Variants in GTF2IRD1 observed in about 807,000 individuals in gnomAD.
GTF2IRD1 encodes general transcription factor II-I repeat domain-containing protein 1.
In GTF2IRD1, 26 loss-of-function variants were observed where a neutral mutation model predicts 113.2. The ratio of observed to expected loss-of-function variants is 0.23; its 90% CI spans 0.17 to 0.32. GTF2IRD1 has a LOEUF of 0.32. GTF2IRD1 is among the 10% of genes least tolerant of loss of function. GTF2IRD1 has a pLI of 1.00. For synonymous variants in GTF2IRD1, 484 were observed against 529.1 expected (o/e 0.91, Z 1.17); for missense variants, 864 against 1,280.8 (o/e 0.67, Z 4.97).
At chr7:74,578,290 T>G (rs2130919559) in intron 22 of GTF2IRD1, among the ~76,000 whole-genome samples, 1 of 152,188 alleles carries the variant, frequency 6.6e-6, no homozygotes, top group East Asian at 1.9e-4. Flanking sequence ...CAAGTGATTC[T>G]CCTGCCTCAC....
chr7:74,574,009 G>C (rs1484317050), intron 22 of GTF2IRD1, among the ~76,000 whole-genome samples: 1 of 152,172 alleles, frequency 6.6e-6, no homozygotes, highest in Non-Finnish European at 1.5e-5. Context: ...TTGAGACAGA[G>C]TTGCGCTCTT....
At chr7:74,562,555 CTTTTTTTTT>C (rs1167468655) in intron 22 of GTF2IRD1, among the ~76,000 whole-genome samples, 12,510 of 62,574 alleles carry the variant, frequency 0.2, 845 homozygotes, top group Middle Eastern at 0.36. Context: ...CAATTGCCCT[CTTTTTTTTT>C]TTTTTTTTTT....
intron 1 of GTF2IRD1, among the ~76,000 whole-genome samples, chr7:74,479,746 A>G (rs969276338): frequency 1.4e-5 from 2 of 148,140 alleles, no homozygotes; most frequent in African/African-American, 5.0e-5. Context: ...ACATGAGTAC[A>G]TGAATCTTTT....
chr7:74,466,212 C>T (rs546138127), intron 1 of GTF2IRD1, among the ~76,000 whole-genome samples: 1 of 152,034 alleles, frequency 6.6e-6, no homozygotes, highest in Non-Finnish European at 1.5e-5. Context: ...TGTTCTGGGG[C>T]GGGGGCTACC....
Position 74,556,166 on chromosome 7 carries a change from C to T in GTF2IRD1, c.2023+672C>T, listed in dbSNP as rs587754290. ...ACTAGGGAGGCTAAGGCGGGAGAAT[C>T]GCTTGAACCTGGGAGGCGGAGATTG... On this transcript the variant is annotated intron_variant, in intron 19 of 26. Transcript: ENST00000424337. Among the ~76,000 whole-genome samples, 115 of 151,444 alleles carry T rather than the reference C, an allele frequency of 7.6e-4. 1 individual carries two copies. The highest frequency in any genetic ancestry group is 6.8e-3 in the Middle Eastern group (2 of 292).
chr7:74,546,242 G>C (rs1798930426), intron 16 of GTF2IRD1, among the ~76,000 whole-genome samples: 1 of 140,158 alleles, frequency 7.1e-6, no homozygotes, highest in Admixed American at 7.2e-5. Context: ...TTTTTTTTGA[G>C]GCGGAGTCTC....
intron 22 of GTF2IRD1, among the ~76,000 whole-genome samples, chr7:74,560,218 C>T (rs1283691020): frequency 6.6e-6 from 1 of 152,094 alleles, no homozygotes; most frequent in East Asian, 1.9e-4. Flanking sequence ...AAGTTTTACC[C>T]AGTCTGGGTT....
chr7:74,522,424 G>A (rs1242267197), intron 7 of GTF2IRD1, among the ~76,000 whole-genome samples: 3 of 152,172 alleles, frequency 2.0e-5, no homozygotes, highest in Non-Finnish European at 4.4e-5. Context: ...CCTAGGCCAG[G>A]TGCGGTGACT....
rs1191944702 is a variant in GTF2IRD1, at chr7:74,458,003, C to T, written c.-7+3827C>T. Reference sequence around the variant, plus strand: ...AAGCGATTCTCCTGCCTCAAGTAGCCGGGATTACAGGCATGCTCTACCACG... The same window carrying T: ...AAGCGATTCTCCTGCCTCAAGTAGCTGGGATTACAGGCATGCTCTACCACG... On this transcript the variant is annotated intron_variant, in intron 1 of 26. Transcript: ENST00000424337. 4.0e-5 allele frequency among the ~76,000 whole-genome samples: 6 copies of T among 151,788 alleles called. No homozygotes were observed. The East Asian group carries it at 7.8e-4, about 20-fold the overall frequency.
chr7:74,546,617 G>A (rs1326593338), intron 16 of GTF2IRD1, among the ~76,000 whole-genome samples: 3 of 152,118 alleles, frequency 2.0e-5, no homozygotes, highest in South Asian at 2.1e-4. Context: ...GGTGTGACTC[G>A]TCCAAGGCCC....
chr7:74,463,143 G>A (rs1239568511), intron 1 of GTF2IRD1, among the ~76,000 whole-genome samples: 11 of 152,344 alleles, frequency 7.2e-5, no homozygotes, highest in African/African-American at 2.2e-4. Context: ...GGAAGGTGGT[G>A]AAGCCACTGT....
chr7:74,491,531 A>T (rs1420158314), intron 1 of GTF2IRD1, among the ~76,000 whole-genome samples: 1 of 151,388 alleles, frequency 6.6e-6, no homozygotes, highest in Admixed American at 6.6e-5. Flanking sequence ...CTCTGTGTCC[A>T]TGTGTTCTCA....
At position 74,454,004 on chromosome 7, in the gene GTF2IRD1, C is replaced by A. The variant is rs1792770893; in HGVS notation, c.-179C>A. 6.7e-6 allele frequency: 1 copy of A among 148,394 alleles called. No individual in the cohort carries two copies. The highest frequency in any genetic ancestry group is 2.5e-5 in the African/African-American group (1 of 40,554). 9.2% of individuals were successfully genotyped at this position (148,394 alleles called of 1,614,324 possible). On this transcript the variant is annotated 5_prime_UTR_variant, in exon 1 of 27. Coordinates refer to ENST00000424337, the MANE Select transcript of GTF2IRD1 (RefSeq NM_005685.4). ...CCGGCCGGCCGATTCCCCCCCCGCG[C>A]CCCCTCCCCGCGCCTCCCTCCCCGC... is the stretch of plus-strand genomic sequence containing the variant.
intron 24 of GTF2IRD1, among the ~76,000 whole-genome samples, chr7:74,592,269 T>G (rs1802104576): frequency 6.6e-6 from 1 of 151,142 alleles, no homozygotes; most frequent in African/African-American, 2.4e-5. Context: ...CTGGCTAATT[T>G]TTTTTTTGTA....
chr7:74,515,280 A>C (rs968215946), intron 3 of GTF2IRD1, 161 bp from the exon 4 acceptor site: 119 of 1,452,160 alleles, frequency 8.2e-5, no homozygotes, highest in Non-Finnish European at 1.0e-4. Flanking sequence ...GGTGGTTGGA[A>C]TAGGGCTTGC....
Position 74,585,207 on chromosome 7 carries a change from G to T in GTF2IRD1, c.2321-4644G>T, listed in dbSNP as rs183051517. ...AGCTCACTGCAACCTCCACCTCCCA[G>T]TTCAAGGGATTCTCCTGCTTCAGCC... On this transcript the variant is annotated intron_variant, in intron 22 of 26. Transcript: ENST00000424337. Among the ~76,000 whole-genome samples the T allele has an allele frequency of 6.5e-3, 968 of 149,174 alleles. 8 individuals carry two copies. Among genetic ancestry groups the T allele is most frequent in the Non-Finnish European group, 7.0e-3 (477 of 67,702 alleles).
intron 16 of GTF2IRD1, among the ~76,000 whole-genome samples, chr7:74,546,379 A>G (rs1554353268): frequency 6.6e-6 from 1 of 151,178 alleles, no homozygotes; most frequent in Non-Finnish European, 1.5e-5. Flanking sequence ...CTGCCACCAT[A>G]CCCGGCTAAT....
At chr7:74,465,010 C>T (rs1554330466) in intron 1 of GTF2IRD1, among the ~76,000 whole-genome samples, 5 of 152,210 alleles carry the variant, frequency 3.3e-5, no homozygotes, top group African/African-American at 1.2e-4. Flanking sequence ...ACCGCCCACC[C>T]ACCTGGCTCC....
At position 74,581,181 on chromosome 7, in the gene GTF2IRD1, G is replaced by A. The variant is rs587711444; in HGVS notation, c.2321-8670G>A. 1.7e-4 allele frequency among the ~76,000 whole-genome samples: 26 copies of A among 152,204 alleles called. 1 individual carries two copies. The East Asian group carries it at 4.3e-3, about 25-fold the overall frequency. On this transcript the variant is annotated intron_variant, in intron 22 of 26. Transcript: ENST00000424337. Reference sequence around the variant, plus strand: ...ATTACAGGCACCCGCCACTATGCCCGGCTAATTTTTTTTTATTAGTAGTAG... The same window carrying A: ...ATTACAGGCACCCGCCACTATGCCCAGCTAATTTTTTTTTATTAGTAGTAG...
Sources: gnomAD v4.1 joint callset for allele counts (sites outside exome capture counted in the v4.1 genomes callset) on GRCh38, gnomAD v4.1.1 for gene constraint, MANE v1.5 for transcripts, NCBI Gene and HGNC (gene_info 2026-07-23, HGNC 2026-07-21) for gene names.